GFOD2: variants seen among roughly 807,000 people sequenced by gnomAD.
GFOD2 encodes the protein glucose-fructose oxidoreductase domain-containing protein 2.
In GFOD2, 9 loss-of-function variants were observed where a neutral mutation model predicts 24.6. That is an observed-to-expected ratio of 0.37 (90% CI 0.22 to 0.64). The LOEUF (loss-of-function observed/expected upper bound fraction) is 0.64. Among genes scored for constraint, GFOD2 ranks in the 30% least tolerant of loss-of-function variants. The pLI is 0.65. For synonymous variants in GFOD2, 211 were observed against 224.8 expected, an observed-to-expected ratio of 0.94 and a Z score of 0.55; for missense variants, 476 against 532.5, an observed-to-expected ratio of 0.89 and a Z score of 1.04.
At chr16:67,689,967 G>C (rs1172831329) in intron 1 of GFOD2, among the ~76,000 whole-genome samples, 5 of 152,126 alleles carry the variant, frequency 3.3e-5, no homozygotes, top group Non-Finnish European at 7.4e-5. Flanking sequence ...ATTTTGGCTA[G>C]CATAATGTCT....
chr16:67,680,694 G>A (rs775820216), intron 2 of GFOD2: 22 of 981,122 alleles, frequency 2.2e-5, no homozygotes, highest in South Asian at 4.7e-5. Context: ...CTGCAGCAAG[G>A]AACAAGGCAT....
chr16:67,676,755 T>TTTTGCCCTCACACCCA (rs2053187519), intron 2 of GFOD2: 1 of 152,208 alleles, frequency 6.6e-6, no homozygotes, highest in Non-Finnish European at 1.5e-5. Context: ...AGAATACCCT[T>TTTTGCCCTCACACCCA]TTTGCCCTCA....
At chr16:67,695,081 C>T (rs987722272) in intron 1 of GFOD2, among the ~76,000 whole-genome samples, 5 of 151,168 alleles carry the variant, frequency 3.3e-5, no homozygotes, top group Non-Finnish European at 7.4e-5. Flanking sequence ...CAACCTTTGC[C>T]GCTCCGGTTC....
intron 1 of GFOD2, among the ~76,000 whole-genome samples, chr16:67,693,992 C>CT (rs879739750): frequency 0.012 from 1,717 of 146,134 alleles, 20 homozygotes; most frequent in African/African-American, 0.026. Context: ...TTAGGACATA[C>CT]TTTTTTTTTT....
chr16:67,689,192 T>C (rs993450461), intron 1 of GFOD2, among the ~76,000 whole-genome samples: 9 of 151,350 alleles, frequency 5.9e-5, no homozygotes, highest in Admixed American at 6.6e-5. Flanking sequence ...GTGTGTGTCA[T>C]CACCCCTGGC....
At position 67,682,318 on chromosome 16, in the gene GFOD2, G is replaced by T. The variant is rs1272090041; in HGVS notation, c.259+3139C>A. On this transcript the variant is annotated intron_variant, in intron 2 of 2. Coordinates refer to ENST00000268797, the MANE Select transcript of GFOD2 (RefSeq NM_030819.4). Reference sequence around the variant, plus strand: ...CCCAAAGTGCTGGGATTACATGCATGAGCCACCAAGCCTGGCCTGCAAACT... The same window carrying T: ...CCCAAAGTGCTGGGATTACATGCATTAGCCACCAAGCCTGGCCTGCAAACT... 3.1e-6 allele frequency: 3 copies of T among 982,856 alleles called. No individual in the cohort carries two copies. The African/African-American group carries it at 5.2e-5, about 17-fold the overall frequency. The allele number at this position is 982,856 out of a possible 1,614,324, so 60.9% of individuals were successfully genotyped here. A position where few individuals can be genotyped will look rare whatever the true frequency, so the allele number is the denominator to read the frequency against.
rs1844445764 is a variant in GFOD2, at chr16:67,719,198, G to A, written c.-123C>T. 6.6e-6 allele frequency: 1 copy of A among 152,254 alleles called. No homozygotes were observed. Among genetic ancestry groups the A allele is most frequent in the African/African-American group, 2.4e-5 (1 of 41,454 alleles). 9.4% of individuals were successfully genotyped at this position (152,254 alleles called of 1,614,324 possible). A position where few individuals can be genotyped will look rare whatever the true frequency, so the allele number is the denominator to read the frequency against. On this transcript the variant is annotated 5_prime_UTR_variant, in exon 1 of 3. Transcript: ENST00000268797. ...GGCATCGCCCACTCCGCGCTGCACTGGAAACCATGGGTCCGACGGGGTCTC... is the reference window on the plus strand; with the variant it reads ...GGCATCGCCCACTCCGCGCTGCACTAGAAACCATGGGTCCGACGGGGTCTC...
At chr16:67,685,374 A>G in intron 2 of GFOD2, 83 bp downstream of exon 2, 1 of 1,583,132 alleles carries the variant, frequency 6.3e-7, no homozygotes, top group Non-Finnish European at 8.6e-7. Context: ...CAGGAAGGAG[A>G]GCTCAGAGGA....
In GFOD2 at chr16:67,674,970, C is replaced by A; in HGVS notation, c.*185G>T. 2 of 662,612 alleles carry A rather than the reference C, an allele frequency of 3.0e-6. No homozygotes were observed. The highest frequency in any genetic ancestry group is 5.1e-6 in the Non-Finnish European group (2 of 392,412). 41.0% of individuals were successfully genotyped at this position (662,612 alleles called of 1,614,324 possible). A position where few individuals can be genotyped will look rare whatever the true frequency, so the allele number is the denominator to read the frequency against. On this transcript the variant is annotated 3_prime_UTR_variant, in exon 3 of 3. Transcript: ENST00000268797. ...GGTAACCTGGCAACAGGAACATTTG[C>A]CACCCTGCAAGTCTGAGGAGCAGAT... is the stretch of plus-strand genomic sequence containing the variant.
At chr16:67,699,578 G>A (rs1276077119) in intron 1 of GFOD2, among the ~76,000 whole-genome samples, 2 of 151,904 alleles carry the variant, frequency 1.3e-5, no homozygotes, top group African/African-American at 4.8e-5. Context: ...CCGCCTCCTG[G>A]GTTCAGGTGA....
chr16:67,688,267 A>G (rs1298552666), intron 1 of GFOD2, among the ~76,000 whole-genome samples: 1 of 152,218 alleles, frequency 6.6e-6, no homozygotes. Context: ...TATCTGTAAT[A>G]TATCTATAAA....
Position 67,682,714 on chromosome 16 carries a change from T to C in GFOD2, c.259+2743A>G, listed in dbSNP as rs147289266. On this transcript the variant is annotated intron_variant, in intron 2 of 2. Coordinates refer to ENST00000268797, the MANE Select transcript of GFOD2 (RefSeq NM_030819.4). ...CTAATAATGAGGGCAAGAAATGATC[T>C]CGTGGCCTTAGAAGTAAGGTAAAAA... 5.8e-5 allele frequency: 57 copies of C among 985,378 alleles called. No individual in the cohort carries two copies. The African/African-American group carries it at 9.6e-4, about 17-fold the overall frequency. 61.0% of individuals were successfully genotyped at this position (985,378 alleles called of 1,614,324 possible). A position where few individuals can be genotyped will look rare whatever the true frequency, so the allele number is the denominator to read the frequency against.
Position 67,675,872 on chromosome 16 carries a change from G to T in GFOD2, c.441C>A (p.Ile147=). 1 of 1,614,182 alleles carries T rather than the reference G, an allele frequency of 6.2e-7. No individual in the cohort carries two copies. Among genetic ancestry groups the T allele is most frequent in the Non-Finnish European group, 8.5e-7 (1 of 1,180,038 alleles). ...ISEHYVGAVM[I]CDARIYSGSL... ...TGCCTGAGTAGATGCGGGCATCACA[G>T]ATCATCACCGCTCCCACATAGTGTT... is the stretch of plus-strand genomic sequence containing the variant. Residue 147 remains isoleucine (I), a synonymous_variant, in exon 3 of 3, where the codon ATC becomes ATA. Coordinates refer to ENST00000268797, the MANE Select transcript of GFOD2 (RefSeq NM_030819.4).
chr16:67,697,611 G>T (rs1210777063), intron 1 of GFOD2, among the ~76,000 whole-genome samples: 1 of 152,150 alleles, frequency 6.6e-6, no homozygotes, highest in African/African-American at 2.4e-5. Context: ...CCTTGAGCAG[G>T]TTACTTCACT....
intron 1 of GFOD2, among the ~76,000 whole-genome samples, chr16:67,703,328 A>G (rs2053417169): frequency 6.6e-6 from 1 of 152,152 alleles, no homozygotes; most frequent in African/African-American, 2.4e-5. Flanking sequence ...GCTTGAACCC[A>G]GGAAGTGGAG....
chr16:67,709,904 G>A (rs570085511), intron 1 of GFOD2, among the ~76,000 whole-genome samples: 77 of 150,568 alleles, frequency 5.1e-4, no homozygotes, highest in Non-Finnish European at 8.3e-4. Flanking sequence ...TTGGGATTAC[G>A]GGCGTGAGCC....
chr16:67,706,122 G>A (rs558840884), intron 1 of GFOD2, among the ~76,000 whole-genome samples: 67 of 151,492 alleles, frequency 4.4e-4, no homozygotes, highest in African/African-American at 1.5e-3. Context: ...GATTACAGAC[G>A]CGTGCCACCA....
chr16:67,686,731 G>A (rs2053269776), intron 1 of GFOD2, among the ~76,000 whole-genome samples: 2 of 151,920 alleles, frequency 1.3e-5, no homozygotes, highest in African/African-American at 4.8e-5. Context: ...AGCTCTTCAG[G>A]AAGCTGAGGA....
Position 67,675,689 on chromosome 16 carries a change from G to A in GFOD2, c.624C>T (p.Asn208=), listed in dbSNP as rs576783923. The part of the protein sequence containing the change: ...HGLLKTFVRQ[N]AAIRGIRHVT... The stretch of plus-strand genomic sequence containing the variant: ...CGTGCCGGATGCCACGGATGGCAGC[G>A]TTCTGCCTCACGAATGTCTTGAGCA... The change falls in exon 3 of 3, where the codon AAC becomes AAT. Residue 208 remains asparagine (N), a synonymous_variant. Transcript: ENST00000268797. The A allele has an allele frequency of 3.3e-5, 53 of 1,613,860 alleles. No homozygotes were observed. In the East Asian group the frequency reaches 5.1e-4, roughly 16 times the overall value.
Sources: gnomAD v4.1 joint callset for allele counts (sites outside exome capture counted in the v4.1 genomes callset) on GRCh38, gnomAD v4.1.1 for gene constraint, MANE v1.5 for transcripts, NCBI Gene and HGNC (gene_info 2026-07-23, HGNC 2026-07-21) for gene names.